Variants in NKAIN2 observed in about 807,000 individuals in gnomAD.
NKAIN2 encodes sodium/potassium-transporting ATPase subunit beta-1-interacting protein 2.
Under a neutral mutation model 32.6 loss-of-function variants are expected in NKAIN2, and 14 were observed. That is an observed-to-expected ratio of 0.43 (90% confidence interval 0.28 to 0.67). The LOEUF (loss-of-function observed/expected upper bound fraction) is 0.67, where lower values mean the gene tolerates loss of function less well. Among genes scored for constraint, NKAIN2 ranks in the 30% least tolerant of loss-of-function variants. The probability of loss-of-function intolerance (pLI) is 0.17; values close to 1 mark genes in which losing one functional copy is unlikely to be tolerated. For synonymous variants in NKAIN2, 80 were observed against 87.2 expected (o/e 0.92, Z 0.46); for missense variants, 198 against 258.3 (o/e 0.77, Z 1.60).
chr6:124,434,356 T>C (rs1220273485), intron 3 of NKAIN2, among the ~76,000 whole-genome samples: 1 of 152,208 alleles, frequency 6.6e-6, no homozygotes, highest in Non-Finnish European at 1.5e-5. Context: ...ATTTGCTTTT[T>C]TGAGCTAGGG....
intron 4 of NKAIN2, among the ~76,000 whole-genome samples, chr6:124,751,812 CAATAAATAAATA>C (rs10665653): frequency 4.5e-5 from 6 of 134,126 alleles, no homozygotes; most frequent in South Asian, 2.6e-4. Flanking sequence ...GACCCCATCT[CAATAAATAAATA>C]AATAAATAAA....
chr6:124,121,895 G>A (rs952482101), intron 1 of NKAIN2: 12 of 1,241,276 alleles, frequency 9.7e-6, no homozygotes, highest in African/African-American at 1.5e-5. Context: ...AGATGGATGG[G>A]GATCATTAGG....
At chr6:124,132,459 T>A (rs2114271272) in intron 1 of NKAIN2, among the ~76,000 whole-genome samples, 1 of 152,344 alleles carries the variant, frequency 6.6e-6, no homozygotes, top group African/African-American at 2.4e-5. Context: ...CCACAGCTGG[T>A]GCTCTCTTGA....
chr6:124,016,749 C>T (rs972279987), intron 1 of NKAIN2, among the ~76,000 whole-genome samples: 14 of 152,070 alleles, frequency 9.2e-5, no homozygotes, highest in African/African-American at 2.7e-4. Flanking sequence ...GTCCTTATAA[C>T]AGCTGTGTGA....
intron 1 of NKAIN2, among the ~76,000 whole-genome samples, chr6:124,053,686 C>T (rs1782511950): frequency 6.6e-6 from 1 of 151,976 alleles, no homozygotes; most frequent in Non-Finnish European, 1.5e-5. Flanking sequence ...ATAATTTTTC[C>T]TTCTGGAAAC....
intron 3 of NKAIN2, among the ~76,000 whole-genome samples, chr6:124,435,368 A>C (rs1240104857): frequency 6.6e-6 from 1 of 152,142 alleles, no homozygotes; most frequent in Non-Finnish European, 1.5e-5. Context: ...TCCATAAAAA[A>C]CAAGAAAGGA....
In NKAIN2 at chr6:124,766,530, C is replaced by T. The variant is rs373726497; in HGVS notation, c.475-24809C>T. Among the ~76,000 whole-genome samples the T allele has an allele frequency of 1.2e-4, 18 of 152,184 alleles. No individual in the cohort carries two copies. The East Asian group carries it at 2.5e-3, about 21-fold the overall frequency. On this transcript the variant is annotated intron_variant, in intron 4 of 6. Transcript: ENST00000368417. ...AAACCTCATCATTCCTTTATGTTTCCGATGAAAGATTCTTGCTGACCCTTA... is the reference window on the plus strand; with the variant it reads ...AAACCTCATCATTCCTTTATGTTTCTGATGAAAGATTCTTGCTGACCCTTA...
chr6:124,245,535 A>G (rs917854492), intron 1 of NKAIN2, among the ~76,000 whole-genome samples: 2 of 152,094 alleles, frequency 1.3e-5, no homozygotes, highest in African/African-American at 4.8e-5. Context: ...ATTACTCTTC[A>G]GCTTGAACTT....
intron 3 of NKAIN2, among the ~76,000 whole-genome samples, chr6:124,470,595 G>T (rs757734989): frequency 4.6e-5 from 7 of 152,090 alleles, no homozygotes; most frequent in Non-Finnish European, 1.0e-4. Flanking sequence ...GTAAATCAGA[G>T]AAATAGTAAA....
At chr6:124,383,092 C>T (rs1326571123) in intron 3 of NKAIN2, among the ~76,000 whole-genome samples, 2 of 152,192 alleles carry the variant, frequency 1.3e-5, no homozygotes, top group African/African-American at 4.8e-5. Flanking sequence ...CCAATAGTGT[C>T]ACCATTCATC....
At chr6:124,355,070 T>TA (rs55912345) in intron 2 of NKAIN2, among the ~76,000 whole-genome samples, 197 bp from the exon 3 acceptor site, 165 of 136,722 alleles carry the variant, frequency 1.2e-3, no homozygotes, top group Middle Eastern at 3.8e-3. Flanking sequence ...ACTTTGTCAT[T>TA]AAAAAAAAAA....
intron 5 of NKAIN2, among the ~76,000 whole-genome samples, chr6:124,795,919 A>G (rs895406128): frequency 5.1e-4 from 78 of 152,144 alleles, no homozygotes; most frequent in African/African-American, 1.7e-3. Flanking sequence ...TAACATTTAC[A>G]TCATAGCAGA....
At chr6:124,117,235 T>C (rs1415730145) in intron 1 of NKAIN2, among the ~76,000 whole-genome samples, 1 of 152,180 alleles carries the variant, frequency 6.6e-6, no homozygotes, top group African/African-American at 2.4e-5. Flanking sequence ...ATTAATATTG[T>C]ATTTGCATGC....
chr6:124,517,035 A>G (rs1778941312), intron 3 of NKAIN2, among the ~76,000 whole-genome samples: 2 of 152,162 alleles, frequency 1.3e-5, no homozygotes, highest in South Asian at 4.1e-4. Flanking sequence ...AACTTTCTGT[A>G]TACTCTAAAG....
chr6:123,975,900 G>T (rs540101742), intron 1 of NKAIN2, among the ~76,000 whole-genome samples: 3 of 152,122 alleles, frequency 2.0e-5, no homozygotes, highest in Admixed American at 2.0e-4. Context: ...TTGAATTGTA[G>T]CTCACACAAT....
At chr6:124,357,235 C>G (rs1051126785) in intron 3 of NKAIN2, among the ~76,000 whole-genome samples, 85 of 151,874 alleles carry the variant, frequency 5.6e-4, no homozygotes, top group African/African-American at 2.0e-3. Context: ...TAACAAATAA[C>G]CTAAAAAAAA....
chr6:124,047,571 A>C (rs909653996), intron 1 of NKAIN2, among the ~76,000 whole-genome samples: 2 of 152,016 alleles, frequency 1.3e-5, no homozygotes, highest in African/African-American at 2.4e-5. Flanking sequence ...CTCCCCGGCT[A>C]TTAGGCTGTG....
intron 1 of NKAIN2, among the ~76,000 whole-genome samples, chr6:124,102,142 C>T (rs770565911): frequency 6.6e-6 from 1 of 152,174 alleles, no homozygotes; most frequent in African/African-American, 2.4e-5. Flanking sequence ...GTAACAGTCT[C>T]TTAGTACATA....
At chr6:124,115,869 A>T (rs1028012168) in intron 1 of NKAIN2, among the ~76,000 whole-genome samples, 12 of 152,084 alleles carry the variant, frequency 7.9e-5, no homozygotes, top group Non-Finnish European at 1.6e-4. Flanking sequence ...TAGCAATTAA[A>T]AACTGTAGCT....
Sources: gnomAD v4.1 joint callset for allele counts (sites outside exome capture counted in the v4.1 genomes callset) on GRCh38, gnomAD v4.1.1 for gene constraint, MANE v1.5 for transcripts, NCBI Gene and HGNC (gene_info 2026-07-23, HGNC 2026-07-21) for gene names.